The following SH3BP2 variants were observed in gnomAD, a reference collection of about 807,000 sequenced individuals.
SH3BP2 encodes SH3 domain binding protein 2, also known as SH3 domain-binding protein 2.
In SH3BP2, 38 loss-of-function variants were observed where a neutral mutation model predicts 56.2. That is an observed-to-expected ratio of 0.68 (90% CI 0.52 to 0.89). The LOEUF (loss-of-function observed/expected upper bound fraction) is 0.89. Ranked by LOEUF, SH3BP2 falls within the 40% of genes least tolerant of loss-of-function variation. The pLI is 0.00. For missense variants in SH3BP2, 748 were observed against 762.6 expected (o/e 0.98, Z 0.23); for synonymous variants, 346 against 316.7 (o/e 1.09, Z -0.98).
At chr4:2,826,757 TTG>T (rs560627620) in intron 5 of SH3BP2, 5 of 370,548 alleles carry the variant, frequency 1.3e-5, no homozygotes, top group Admixed American at 6.7e-5. Flanking sequence ...TTGCTTGTGT[TTG>T]TGTGTGCGTG....
rs762558421 is a variant in SH3BP2, at chr4:2,832,354, G to A, written c.1430G>A (p.Arg477Gln). Reference protein sequence around the residue: ...VERLFKATSPRGEPQDGLYCI... With the variant: ...VERLFKATSPQGEPQDGLYCI... ...AGGTTGTTCAAGGCTACAAGCCCCC[G>A]GGGAGAGCCCCAGGATGGACTCTAC... The change falls in exon 11 of 13, where the codon CGG (arginine) becomes CAG (glutamine). Residue 477 changes from arginine to glutamine, a missense_variant. Arg to Gln is a conservative substitution (Grantham distance 43). Coordinates refer to ENST00000503393, the MANE Select transcript of SH3BP2 (RefSeq NM_001122681.2). 6.8e-6 allele frequency: 11 copies of A among 1,613,872 alleles called. No individual in the cohort carries two copies. Among genetic ancestry groups the A allele is most frequent in the South Asian group, 5.5e-5 (5 of 91,080 alleles).
chr4:2,815,136 A>G (rs955373723), intron 1 of SH3BP2, among the ~76,000 whole-genome samples: 1 of 152,194 alleles, frequency 6.6e-6, no homozygotes, highest in Non-Finnish European at 1.5e-5. Context: ...CACGGCCTCC[A>G]TGGCCCATCA....
rs200463050 is a variant in SH3BP2, at chr4:2,827,273, C to T, written c.472C>T (p.Arg158Trp). The change falls in exon 6 of 13, where the codon CGG becomes TGG. Residue 158 changes from arginine (R) to tryptophan (W), a missense_variant. Transcript: ENST00000503393. ...DTDSFYGAVE[R>W]PVDISLSPYP... ...AGACAGCTTCTACGGCGCAGTTGAGCGGCCTGTGGATATCAGCCTTTCCCC... is the reference window on the plus strand; with the variant it reads ...AGACAGCTTCTACGGCGCAGTTGAGTGGCCTGTGGATATCAGCCTTTCCCC... The T allele has an allele frequency of 1.8e-4, 287 of 1,614,080 alleles. No individual in the cohort carries two copies. Among genetic ancestry groups the T allele is most frequent in the Non-Finnish European group, 2.3e-4 (269 of 1,180,036 alleles).
chr4:2,809,782 G>T, intron 1 of SH3BP2: 1 of 985,782 alleles, frequency 1.0e-6, no homozygotes, highest in Non-Finnish European at 1.2e-6. Flanking sequence ...TTTTCAGGCT[G>T]ACCCTTGGCC....
rs372664062 is a variant in SH3BP2, at chr4:2,819,024, C to T, written c.-4-1590C>T. 5 of 408,302 alleles carry T rather than the reference C, an allele frequency of 1.2e-5. No homozygotes were observed. In the East Asian group the frequency reaches 4.7e-4, roughly 39 times the overall value. 25.3% of individuals were successfully genotyped at this position (408,302 alleles called of 1,614,324 possible). A position where few individuals can be genotyped will look rare whatever the true frequency, so the allele number is the denominator to read the frequency against. On this transcript the variant is annotated intron_variant, in intron 1 of 12. Coordinates refer to ENST00000503393, the MANE Select transcript of SH3BP2 (RefSeq NM_001122681.2). ...TCATAGCTTACTGCCTCCTGGAACT[C>T]CTGGCTCAATCGATCCTCCTGGATA...
At chr4:2,820,012 C>A (rs765265882) in intron 1 of SH3BP2, among the ~76,000 whole-genome samples, 2 of 152,110 alleles carry the variant, frequency 1.3e-5, no homozygotes. Flanking sequence ...TGGATAGCAG[C>A]CAACCCACCA....
intron 6 of SH3BP2, 43 bp downstream of exon 6, chr4:2,827,361 A>G (rs762921379): frequency 3.5e-5 from 55 of 1,551,938 alleles, no homozygotes; most frequent in Non-Finnish European, 4.6e-5. Flanking sequence ...GCCTCTCCCC[A>G]CCTGGCCTCC....
In SH3BP2 at chr4:2,837,997, G is replaced by T. The variant is rs1008526095; in HGVS notation, c.*4163G>T. ...ACCCCTACCTGTCTACCCTCCTTCG[G>T]ACCCCTAGGAAGCTTCGCAGGCCTT... On this transcript the variant is annotated 3_prime_UTR_variant, in exon 13 of 13. Coordinates refer to ENST00000503393, the MANE Select transcript of SH3BP2 (RefSeq NM_001122681.2). 1 of 152,198 alleles carries T rather than the reference G, an allele frequency of 6.6e-6. No individual in the cohort carries two copies. The highest frequency in any genetic ancestry group is 1.5e-5 in the Non-Finnish European group (1 of 68,076). 9.4% of individuals were successfully genotyped at this position (152,198 alleles called of 1,614,324 possible).
At chr4:2,820,139 C>G (rs898840638) in intron 1 of SH3BP2, among the ~76,000 whole-genome samples, 7 of 152,182 alleles carry the variant, frequency 4.6e-5, no homozygotes, top group Admixed American at 4.6e-4. Context: ...GGATGGGAGC[C>G]CAGGTCGTTT....
Position 2,810,855 on chromosome 4 carries a change from C to G in SH3BP2, c.-4-9759C>G, listed in dbSNP as rs1482917761. 6.6e-6 allele frequency among the ~76,000 whole-genome samples: 1 copy of G among 152,228 alleles called. No homozygotes were observed. Among genetic ancestry groups the G allele is most frequent in the Non-Finnish European group, 1.5e-5 (1 of 68,034 alleles). On this transcript the variant is annotated intron_variant, in intron 1 of 12. Transcript: ENST00000503393. The surrounding 1 kb of genome is among the most constrained non-coding windows in gnomAD (Gnocchi z 4.2). Reference sequence around the variant, plus strand: ...AGGGGTTCCTCACCTGCTGTTTGATCTCAACCCTCCTGCAAGGAGGAAAGA... The same window carrying G: ...AGGGGTTCCTCACCTGCTGTTTGATGTCAACCCTCCTGCAAGGAGGAAAGA...
In SH3BP2 at chr4:2,823,495, T is replaced by C. The variant is rs760463571; in HGVS notation, c.239+458T>C. 1.5e-4 allele frequency: 67 copies of C among 456,974 alleles called. No individual in the cohort carries two copies. In the Middle Eastern group the frequency reaches 4.5e-3, roughly 31 times the overall value. The allele number at this position is 456,974 out of a possible 1,614,324, so 28.3% of individuals were successfully genotyped here. On this transcript the variant is annotated intron_variant, in intron 3 of 12. Transcript: ENST00000503393. ...TCCCAGGCCGGGATCAGTTTCCAGC[T>C]TCACGCATGTCCTGGGCTGGGCTCT...
chr4:2,833,555 TG>T (rs35592677), intron 12 of SH3BP2, 141 bp from the exon 13 acceptor site: 2 of 1,067,294 alleles, frequency 1.9e-6, no homozygotes, highest in Non-Finnish European at 2.8e-6. Context: ...GAGGCCACCT[TG>T]GGGGCACCAC....
At chr4:2,820,948 CG>C (rs1174677795) in intron 2 of SH3BP2, among the ~76,000 whole-genome samples, 195 bp downstream of exon 2, 13 of 151,980 alleles carry the variant, frequency 8.6e-5, no homozygotes, top group Non-Finnish European at 1.9e-4. Flanking sequence ...TAGCAGGGTC[CG>C]GGGTGGTGCA....
intron 1 of SH3BP2, among the ~76,000 whole-genome samples, chr4:2,801,420 C>T (rs1723277287): frequency 1.3e-5 from 2 of 152,316 alleles, no homozygotes; most frequent in Admixed American, 6.5e-5. Flanking sequence ...GGGGTCTGGC[C>T]CACTCCTTCT....
At chr4:2,811,630 G>A (rs574976922) in intron 1 of SH3BP2, among the ~76,000 whole-genome samples, 3 of 152,338 alleles carry the variant, frequency 2.0e-5, no homozygotes, top group African/African-American at 4.8e-5. Context: ...GTACGGGAGC[G>A]TGCTTTGCCA....
At position 2,827,405 on chromosome 4, in the gene SH3BP2, C is replaced by T. The variant is rs185748618; in HGVS notation, c.517+87C>T. The T allele has an allele frequency of 3.0e-5, 40 of 1,345,498 alleles. No homozygotes were observed. The East Asian group carries it at 5.6e-4, about 19-fold the overall frequency. 83.3% of individuals were successfully genotyped at this position (1,345,498 alleles called of 1,614,324 possible). On this transcript the variant is annotated intron_variant, in intron 6 of 12. Transcript: ENST00000503393. The stretch of plus-strand genomic sequence containing the variant: ...GCTGTGGAGGAGAGGGAGGTGTGTT[C>T]GGCTGTGCTCCTTGCTCTGGCCCTT...
In SH3BP2 at chr4:2,825,139, T is replaced by C. The variant is rs1577360175; in HGVS notation, c.371T>C (p.Leu124Ser). ...GCTGACCTGCAGAGCTGGATGGCCT[T>C]GCTGCGCAGGGAGATTGGCCACTTC... The part of the protein sequence containing the change: ...SEEERKSWMA[L>S]LRREIGHFHE... The change falls in exon 5 of 13, where the codon TTG becomes TCG. Residue 124 changes from leucine to serine, a missense_variant. This residue lies in a region of SH3BP2 where 635 missense variants were observed against 615.0 expected (regional missense o/e 1.03). Coordinates refer to ENST00000503393, the MANE Select transcript of SH3BP2 (RefSeq NM_001122681.2). 2 of 1,577,446 alleles carry C rather than the reference T, an allele frequency of 1.3e-6. No individual in the cohort carries two copies. The highest frequency in any genetic ancestry group is 4.7e-5 in the East Asian group (2 of 42,612).
chr4:2,799,108 C>T (rs1723156489), intron 1 of SH3BP2: 4 of 985,510 alleles, frequency 4.1e-6, no homozygotes, highest in South Asian at 4.7e-5. Context: ...CACCCGTACC[C>T]GCCCTGCCTC....
intron 6 of SH3BP2, 90 bp downstream of exon 6, chr4:2,827,408 C>A: frequency 7.5e-7 from 1 of 1,341,672 alleles, no homozygotes; most frequent in Non-Finnish European, 1.1e-6. Flanking sequence ...GTGTGTTCGG[C>A]TGTGCTCCTT....
Sources: gnomAD v4.1 joint callset for allele counts (sites outside exome capture counted in the v4.1 genomes callset) on GRCh38, gnomAD v4.1.1 for gene constraint, gnomAD v4.1.1 regional missense constraint, Gnocchi (gnomAD v3.1) non-coding constraint, MANE v1.5 for transcripts, NCBI Gene and HGNC (gene_info 2026-07-23, HGNC 2026-07-21) for gene names.